The following ACADSB variants were observed in gnomAD, a reference collection of about 807,000 sequenced individuals.
ACADSB encodes the protein acyl-CoA dehydrogenase short/branched chain.
Under a neutral mutation model 54.1 loss-of-function variants are expected in ACADSB, and 40 were observed. That is an observed-to-expected ratio of 0.74 (90% CI 0.57 to 0.96). The LOEUF (loss-of-function observed/expected upper bound fraction) is 0.96. Ranked by LOEUF, ACADSB falls within the 40% of genes least tolerant of loss-of-function variation. The pLI, the probability that ACADSB is intolerant of heterozygous loss-of-function variation, is 0.00. For synonymous variants in ACADSB, 182 were observed against 182.8 expected (o/e 1.00, Z 0.03); for missense variants, 530 against 510.4 (o/e 1.04, Z -0.37).
chr10:123,009,447 C>A (rs1172640557), intron 1 of ACADSB, among the ~76,000 whole-genome samples: 1 of 152,170 alleles, frequency 6.6e-6, no homozygotes, highest in African/African-American at 2.4e-5. Context: ...CCCTAACGCA[C>A]CTTTCCCGAG....
intron 4 of ACADSB, among the ~76,000 whole-genome samples, chr10:123,040,986 T>C (rs1156341699): frequency 6.6e-6 from 1 of 152,226 alleles, no homozygotes; most frequent in African/African-American, 2.4e-5. Context: ...CAAATCAATT[T>C]CAATGAGTAT....
chr10:123,051,211 A>C, intron 9 of ACADSB, 25 bp downstream of exon 9: 1 of 1,358,402 alleles, frequency 7.4e-7, no homozygotes, highest in African/African-American at 1.7e-5. Context: ...AAAAAAAAAA[A>C]AGGAAAAAGT....
intron 1 of ACADSB, among the ~76,000 whole-genome samples, chr10:123,028,247 A>G (rs1564748570): frequency 9.0e-6 from 1 of 111,528 alleles, no homozygotes; most frequent in Non-Finnish European, 2.3e-5. Flanking sequence ...ACTGTAATAA[A>G]CTAGTTTAAT....
chr10:123,051,093 T>C lies in ACADSB; in HGVS notation c.1035T>C (p.Ala345=), dbSNP rs2133493260. The C allele has an allele frequency of 6.2e-7, 1 of 1,609,336 alleles. No homozygotes were observed. The highest frequency in any genetic ancestry group is 8.5e-7 in the Non-Finnish European group (1 of 1,179,436). ...CTCACGTGGCCACCCAGCTGGAAGC[T>C]GCAAGATTACTAACATACAATGCTG... is the stretch of plus-strand genomic sequence containing the variant. ...QVAHVATQLE[A]ARLLTYNAAR... The change falls in exon 9 of 11, where the codon GCT becomes GCC. Residue 345 remains alanine, a synonymous_variant. Coordinates refer to ENST00000358776, the MANE Select transcript of ACADSB (RefSeq NM_001609.4).
chr10:123,042,977 C>T (rs1176519708), intron 5 of ACADSB, 69 bp from the exon 6 acceptor site: 8 of 1,568,318 alleles, frequency 5.1e-6, no homozygotes, highest in Non-Finnish European at 6.1e-6. Context: ...TTTCTTTTTA[C>T]TTAAACTCTT....
intron 1 of ACADSB, among the ~76,000 whole-genome samples, chr10:123,027,034 G>C (rs948407827): frequency 1.4e-4 from 22 of 152,134 alleles, no homozygotes; most frequent in African/African-American, 4.8e-4. Flanking sequence ...CACGTTCATA[G>C]ATTATTACTT....
chr10:123,013,277 C>A (rs549512133), intron 1 of ACADSB, among the ~76,000 whole-genome samples: 2 of 151,712 alleles, frequency 1.3e-5, no homozygotes, highest in Admixed American at 6.5e-5. Context: ...TACAGAGTAC[C>A]GATTGGTGCA....
intron 5 of ACADSB, among the ~76,000 whole-genome samples, chr10:123,042,307 A>G (rs1198997662): frequency 6.6e-6 from 1 of 151,904 alleles, no homozygotes; most frequent in Non-Finnish European, 1.5e-5. Flanking sequence ...CTGTTTAGTA[A>G]TGAAGAATTT....
Position 123,047,331 on chromosome 10 carries a change from A to G in ACADSB, c.990+33A>G, listed in dbSNP as rs57499073. ...ATTATTAGGGTCTTTCTGCTGTGTT[A>G]GACTTCCCCAGCTTCCTGTTAATGA... On this transcript the variant is annotated intron_variant, in intron 8 of 10. Coordinates refer to ENST00000358776, the MANE Select transcript of ACADSB (RefSeq NM_001609.4). 9.8e-4 allele frequency: 1,389 copies of G among 1,410,640 alleles called. 7 individuals carry two copies. In the African/African-American group the frequency reaches 0.017, roughly 17 times the overall value. 87.4% of individuals were successfully genotyped at this position (1,410,640 alleles called of 1,614,324 possible).
At chr10:123,014,818 T>A (rs2133454849) in intron 1 of ACADSB, among the ~76,000 whole-genome samples, 1 of 152,284 alleles carries the variant, frequency 6.6e-6, no homozygotes, top group African/African-American at 2.4e-5. Flanking sequence ...GGGTGCGGAT[T>A]CCAGGGCAAG....
At chr10:123,020,210 T>A (rs1451573838) in intron 1 of ACADSB, among the ~76,000 whole-genome samples, 6 of 152,068 alleles carry the variant, frequency 3.9e-5, no homozygotes, top group African/African-American at 1.4e-4. Flanking sequence ...AACAAATAGG[T>A]CTCTTTGGGA....
In ACADSB at chr10:123,040,601, A is replaced by T. The variant is rs747291865; in HGVS notation, c.439A>T (p.Asn147Tyr). ...TTGTGAGATCCAGAACACATTAATTAACACACTGATTAGAAAACATGGAAC... is the reference window on the plus strand; with the variant it reads ...TTGTGAGATCCAGAACACATTAATTTACACACTGATTAGAAAACATGGAAC... ...VFCEIQNTLI[N>Y]TLIRKHGTEE... Residue 147 changes from asparagine (N) to tyrosine (Y), a missense_variant, in exon 4 of 11, where the codon AAC (asparagine) becomes TAC (tyrosine). Coordinates refer to ENST00000358776, the MANE Select transcript of ACADSB (RefSeq NM_001609.4). 102 of 1,614,020 alleles carry T rather than the reference A, an allele frequency of 6.3e-5. No individual in the cohort carries two copies. The highest frequency in any genetic ancestry group is 3.3e-4 in the Middle Eastern group (2 of 6,082).
chr10:123,038,976 C>T (rs1850436093), intron 3 of ACADSB, among the ~76,000 whole-genome samples: 1 of 152,130 alleles, frequency 6.6e-6, no homozygotes, highest in Non-Finnish European at 1.5e-5. Flanking sequence ...GTCGTTCCTG[C>T]AGCGGGGCTG....
chr10:123,020,982 G>A (rs895564351), intron 1 of ACADSB, among the ~76,000 whole-genome samples: 1 of 152,188 alleles, frequency 6.6e-6, no homozygotes, highest in African/African-American at 2.4e-5. Context: ...CAGCCTGGGT[G>A]ACAGAGCAAA....
intron 1 of ACADSB, among the ~76,000 whole-genome samples, chr10:123,030,502 G>A (rs1174542552): frequency 6.6e-6 from 1 of 150,594 alleles, no homozygotes; most frequent in Admixed American, 6.6e-5. Flanking sequence ...ACTCCAGCCT[G>A]GGTGACAGAG....
chr10:123,014,447 G>A (rs533187974), intron 1 of ACADSB, among the ~76,000 whole-genome samples: 4 of 152,288 alleles, frequency 2.6e-5, no homozygotes, highest in South Asian at 2.1e-4. Flanking sequence ...TGATCCTCCC[G>A]CCTTGGCCTC....
At position 123,053,262 on chromosome 10, in the gene ACADSB, T is replaced by C. The variant is rs538191023; in HGVS notation, c.1228+102T>C. The C allele has an allele frequency of 5.0e-4, 472 of 940,652 alleles. 3 individuals carry two copies. The African/African-American group carries it at 7.1e-3, about 14-fold the overall frequency. The allele number at this position is 940,652 out of a possible 1,614,324, so 58.3% of individuals were successfully genotyped here. On this transcript the variant is annotated intron_variant, in intron 10 of 10. Coordinates refer to ENST00000358776, the MANE Select transcript of ACADSB (RefSeq NM_001609.4). ...TTTTTTTCCTAGGTAAAAGCAATTT[T>C]AATTTCTTCAGTATATGTTTGGTGG...
At chr10:123,046,336 A>G (rs968993181) in intron 7 of ACADSB, among the ~76,000 whole-genome samples, 3 of 152,242 alleles carry the variant, frequency 2.0e-5, no homozygotes, top group Non-Finnish European at 2.9e-5. Context: ...TTCTAAAACC[A>G]TAATTTGACA....
At chr10:123,029,020 G>T (rs1417435977) in intron 1 of ACADSB, among the ~76,000 whole-genome samples, 2 of 152,000 alleles carry the variant, frequency 1.3e-5, no homozygotes, top group African/African-American at 4.8e-5. Flanking sequence ...TTAAAGGTTA[G>T]TCAAGTGAAG....
Sources: allele counts gnomAD v4.1 joint callset (sites outside exome capture counted in the v4.1 genomes callset), GRCh38; gene constraint gnomAD v4.1.1; transcripts MANE v1.5; gene names NCBI Gene and HGNC (gene_info 2026-07-23, HGNC 2026-07-21).